The following MYT1 variants were observed in gnomAD, a reference collection of about 807,000 sequenced individuals.
The protein encoded by MYT1 is myelin transcription factor 1, also known as myelin transcription factor I.
MYT1 carries 23 observed loss-of-function variants against 123.0 expected under a neutral mutation model. The observed-to-expected ratio is 0.19, with a 90% CI of 0.13 to 0.26. MYT1 has a LOEUF of 0.26. Ranked by LOEUF, MYT1 falls within the 10% of genes least tolerant of loss-of-function variation. MYT1 has a pLI of 1.00. For missense variants in MYT1, 1,125 were observed against 1,472.5 expected, an observed-to-expected ratio of 0.76 and a Z score of 3.86; for synonymous variants, 518 against 575.3, an observed-to-expected ratio of 0.90 and a Z score of 1.43.
At chr20:64,198,790 A>G (rs1384848863) in intron 2 of MYT1, 72 bp from the exon 3 acceptor site, 25 of 1,542,710 alleles carry the variant, frequency 1.6e-5, no homozygotes, top group Non-Finnish European at 2.1e-5. Context: ...ATGGCCAGAC[A>G]TTCCTGATGG....
At chr20:64,226,863 G>A (rs1335833347) in intron 16 of MYT1, among the ~76,000 whole-genome samples, 2 of 152,254 alleles carry the variant, frequency 1.3e-5, no homozygotes, top group Non-Finnish European at 2.9e-5. Context: ...CATGGCCAGC[G>A]CCATCTGCTC....
chr20:64,184,372 G>A (rs1982739173), intron 1 of MYT1, among the ~76,000 whole-genome samples: 1 of 151,610 alleles, frequency 6.6e-6, no homozygotes, highest in South Asian at 2.1e-4. Context: ...TGGCACGTTT[G>A]TTGAAAAGAC....
chr20:64,200,664 G>T (rs1386715059), intron 4 of MYT1, among the ~76,000 whole-genome samples: 1 of 152,222 alleles, frequency 6.6e-6, no homozygotes, highest in African/African-American at 2.4e-5. Context: ...ACACATCACA[G>T]TCTTGATCTC....
intron 19 of MYT1, among the ~76,000 whole-genome samples, chr20:64,236,109 CCCTGGGCTGGCTGTGGTG>C: frequency 8.1e-6 from 1 of 123,534 alleles, no homozygotes; most frequent in Non-Finnish European, 1.7e-5. Flanking sequence ...TGGTGGGTGA[CCCTGGGCTGGCTGTGGTG>C]GGTGACCCTG....
rs761667447 is a variant in MYT1 at position 64,166,273 on chromosome 20, G to A, written c.-99+1534G>A. 2.0e-5 allele frequency among the ~76,000 whole-genome samples: 3 copies of A among 152,334 alleles called. No homozygotes were observed. The South Asian group carries it at 6.2e-4, about 32-fold the overall frequency. ...CGGTAGCTGTTCCTTGTGCAGAGGA[G>A]GCTGGGTCAGGGCTTAGAGGGCAGT... On this transcript the variant is annotated intron_variant, in intron 1 of 22. Coordinates refer to ENST00000328439, the MANE Select transcript of MYT1 (RefSeq NM_004535.3). The surrounding 1 kb of genome is among the most constrained non-coding windows in gnomAD (Gnocchi z 4.9).
Position 64,213,445 on chromosome 20 carries a change from T to A in MYT1, c.1518-89T>A. 1.0e-6 allele frequency: 1 copy of A among 965,250 alleles called. No homozygotes were observed. The highest frequency in any genetic ancestry group is 1.4e-5 in the South Asian group (1 of 70,626). The allele number at this position is 965,250 out of a possible 1,614,324, so 59.8% of individuals were successfully genotyped here. On this transcript the variant is annotated intron_variant, in intron 9 of 22. Transcript: ENST00000328439. This position sits in a 1 kb window ranked among gnomAD's most constrained non-coding sequence, Gnocchi z 5.6. Reference sequence around the variant, plus strand: ...CTGGAGTTCTCACATCTGAATGACCTTGCCGTGAGACACCCACACACACAG... The same window carrying A: ...CTGGAGTTCTCACATCTGAATGACCATGCCGTGAGACACCCACACACACAG...
intron 11 of MYT1, 121 bp downstream of exon 11, chr20:64,217,402 A>C (rs952266245): frequency 1.0e-5 from 11 of 1,072,422 alleles, no homozygotes; most frequent in Non-Finnish European, 1.5e-5. Context: ...CTCTACCCTC[A>C]TGGGAGGACC....
intron 2 of MYT1, 59 bp from the exon 3 acceptor site, chr20:64,198,803 C>G: frequency 6.3e-7 from 1 of 1,582,884 alleles, no homozygotes. Context: ...CCTGATGGCT[C>G]TGTACTCCAG....
chr20:64,227,832 T>G, intron 17 of MYT1, 56 bp from the exon 18 acceptor site: 1 of 1,197,876 alleles, frequency 8.3e-7, no homozygotes, highest in Middle Eastern at 2.3e-4. Flanking sequence ...GATGAACGGG[T>G]GTGAGAAGCT....
In MYT1 at chr20:64,167,264, T is replaced by G. The variant is rs1982110314; in HGVS notation, c.-99+2525T>G. 1.3e-5 allele frequency among the ~76,000 whole-genome samples: 2 copies of G among 152,190 alleles called. No homozygotes were observed. Among genetic ancestry groups the G allele is most frequent in the South Asian group, 4.1e-4 (2 of 4,830 alleles). On this transcript the variant is annotated intron_variant, in intron 1 of 22. Coordinates refer to ENST00000328439, the MANE Select transcript of MYT1 (RefSeq NM_004535.3). The surrounding 1 kb of genome is among the most constrained non-coding windows in gnomAD (Gnocchi z 6.3). Reference sequence around the variant, plus strand: ...CCCGGGGCCTCCAGCCGCTGCTCGGTGGCAGTGGGCGGGCTGGTGGGGGCT... The same window carrying G: ...CCCGGGGCCTCCAGCCGCTGCTCGGGGGCAGTGGGCGGGCTGGTGGGGGCT...
In MYT1 at chr20:64,208,718, A is replaced by G. The variant is rs1983576890; in HGVS notation, c.1291+231A>G. 6.6e-6 allele frequency among the ~76,000 whole-genome samples: 1 copy of G among 152,230 alleles called. No individual in the cohort carries two copies. The highest frequency in any genetic ancestry group is 6.5e-5 in the Admixed American group (1 of 15,284). On this transcript the variant is annotated intron_variant, in intron 7 of 22. Transcript: ENST00000328439. This position sits in a 1 kb window ranked among gnomAD's most constrained non-coding sequence, Gnocchi z 5.4. ...GACACAGCGGAGACGTGTGAGAAAG[A>G]ACCAGGTGGGAGAGAGGAGGTGGGA...
chr20:64,164,669 C>G lies in MYT1; in HGVS notation c.-169C>G, dbSNP rs994290180. On this transcript the variant is annotated 5_prime_UTR_variant, in exon 1 of 23. Transcript: ENST00000328439. ...TCCTCCCCCAGTCCACCCTGCACCC[C>G]CCATGTAAATTTCATGATTGCTTTC... 3.3e-5 allele frequency: 5 copies of G among 152,026 alleles called. No individual in the cohort carries two copies. The highest frequency in any genetic ancestry group is 7.4e-5 in the Non-Finnish European group (5 of 68,018). The allele number at this position is 152,026 out of a possible 1,614,324, so 9.4% of individuals were successfully genotyped here. A position where few individuals can be genotyped will look rare whatever the true frequency, so the allele number is the denominator to read the frequency against.
At position 64,232,450 on chromosome 20, in the gene MYT1, G is replaced by T; in HGVS notation, c.2897+65G>T. On this transcript the variant is annotated intron_variant, in intron 19 of 22. Transcript: ENST00000328439. This position sits in a 1 kb window ranked among gnomAD's most constrained non-coding sequence, Gnocchi z 6.9. ...TAGGGACCCTCGCCTGGGGCCTGGG[G>T]CTGAAGCTCCTGAGGGAGGGCCAGA... is the stretch of plus-strand genomic sequence containing the variant. 6.5e-7 allele frequency: 1 copy of T among 1,530,032 alleles called. No individual in the cohort carries two copies. Among genetic ancestry groups the T allele is most frequent in the South Asian group, 1.1e-5 (1 of 88,222 alleles). The allele number at this position is 1,530,032 out of a possible 1,614,324, so 94.8% of individuals were successfully genotyped here.
chr20:64,217,238 C>G lies in MYT1; in HGVS notation c.1803C>G (p.Ala601=). The stretch of plus-strand genomic sequence containing the variant: ...AGGTTTTTGGCAAACGCATGCTTGC[C>G]CCAAAGATTCAGACCAGCGAAACCT... ...DAQVFGKRML[A]PKIQTSETSP... The change falls in exon 11 of 23, where the codon GCC becomes GCG. Residue 601 remains alanine, a synonymous_variant. Coordinates refer to ENST00000328439, the MANE Select transcript of MYT1 (RefSeq NM_004535.3). 2 of 1,614,234 alleles carry G rather than the reference C, an allele frequency of 1.2e-6. No individual in the cohort carries two copies. The highest frequency in any genetic ancestry group is 1.7e-6 in the Non-Finnish European group (2 of 1,180,042).
At chr20:64,199,802 C>T (rs17568163) in intron 3 of MYT1, 90 bp from the exon 4 acceptor site, 63,215 of 1,461,986 alleles carry the variant, frequency 0.043, 1,502 homozygotes, top group Middle Eastern at 0.083. Flanking sequence ...GCAAACCTCT[C>T]GGCTGTTTAA....
chr20:64,237,984 G>A (rs1254016683), intron 21 of MYT1, among the ~76,000 whole-genome samples: 1 of 152,206 alleles, frequency 6.6e-6, no homozygotes, highest in Non-Finnish European at 1.5e-5. Flanking sequence ...AAAACATTCA[G>A]CATAAGCACC....
At position 64,207,869 on chromosome 20, in the gene MYT1, G is replaced by A. The variant is rs757767829; in HGVS notation, c.673G>A (p.Val225Ile). The A allele has an allele frequency of 3.1e-6, 5 of 1,613,350 alleles. No individual in the cohort carries two copies. Among genetic ancestry groups the A allele is most frequent in the East Asian group, 2.2e-5 (1 of 44,810 alleles). ...CCAGCCAGAGGATGCCGAGGAGGTCGTCGAAGTCACCACCGAGCGCTCCCA... is the reference window on the plus strand; with the variant it reads ...CCAGCCAGAGGATGCCGAGGAGGTCATCGAAGTCACCACCGAGCGCTCCCA... Reference protein sequence around the residue: ...FIQPEDAEEVVEVTTERSQDL... With the variant: ...FIQPEDAEEVIEVTTERSQDL... Residue 225 changes from valine (V) to isoleucine (I), a missense_variant, in exon 7 of 23, where the codon GTC (valine) becomes ATC (isoleucine). Val to Ile is a conservative substitution (Grantham distance 29). Around this residue, in one of 4 missense-constraint regions of MYT1, gnomAD observed 406 missense variants for 432.2 expected, o/e 0.94. Coordinates refer to ENST00000328439, the MANE Select transcript of MYT1 (RefSeq NM_004535.3).
intron 16 of MYT1, among the ~76,000 whole-genome samples, chr20:64,225,927 A>T (rs1365100556): frequency 6.6e-6 from 1 of 152,122 alleles, no homozygotes; most frequent in African/African-American, 2.4e-5. Flanking sequence ...CACAGATGCC[A>T]TCGGGAAGTA....
chr20:64,240,346 T>C lies in MYT1; in HGVS notation c.3264T>C (p.Asp1088=). 6.2e-7 allele frequency: 1 copy of C among 1,614,036 alleles called. No homozygotes were observed. The highest frequency in any genetic ancestry group is 8.5e-7 in the Non-Finnish European group (1 of 1,180,012). The part of the protein sequence containing the change: ...HMEPICEQNF[D]AYVSTLTDMY... ...AGCCAATATGCGAACAGAATTTCGA[T>C]GCCTATGTGAGCACCCTCACCGACA... Residue 1088 remains aspartate, a synonymous_variant, in exon 23 of 23, where the codon GAT becomes GAC. Transcript: ENST00000328439.
Sources: allele counts gnomAD v4.1 joint callset (sites outside exome capture counted in the v4.1 genomes callset), GRCh38; gene constraint gnomAD v4.1.1; regional missense constraint gnomAD v4.1.1; non-coding constraint Gnocchi (gnomAD v3.1); transcripts MANE v1.5; gene names NCBI Gene and HGNC (gene_info 2026-07-23, HGNC 2026-07-21).